Variants in PPP1R12B observed in about 807,000 individuals in gnomAD.
PPP1R12B encodes the protein protein phosphatase 1 regulatory subunit 12B.
In PPP1R12B, 76 loss-of-function variants were observed where a neutral mutation model predicts 126.1. The observed-to-expected ratio is 0.60, with a 90% confidence interval of 0.50 to 0.73. PPP1R12B has a LOEUF of 0.73. Among genes scored for constraint, PPP1R12B ranks in the 30% least tolerant of loss-of-function variants. The pLI, the probability that PPP1R12B is intolerant of heterozygous loss-of-function variation, is 0.00. For synonymous variants in PPP1R12B, 356 were observed against 434.7 expected (o/e 0.82, Z 2.25); for missense variants, 1,052 against 1,205.1 (o/e 0.87, Z 1.88).
intron 23 of PPP1R12B, among the ~76,000 whole-genome samples, chr1:202,574,723 G>A (rs1350261867): frequency 6.6e-6 from 1 of 152,140 alleles, no homozygotes; most frequent in Admixed American, 6.5e-5. Context: ...CAATCCATAT[G>A]TGCCTTTTGA....
At chr1:202,482,840 C>G (rs1188749329) in intron 13 of PPP1R12B, among the ~76,000 whole-genome samples, 1 of 152,188 alleles carries the variant, frequency 6.6e-6, no homozygotes, top group Non-Finnish European at 1.5e-5. Flanking sequence ...TGAAGCATTT[C>G]TCCTATGTTA....
chr1:202,360,914 G>A (rs1375994325), intron 1 of PPP1R12B, among the ~76,000 whole-genome samples: 5 of 146,936 alleles, frequency 3.4e-5, no homozygotes, highest in East Asian at 4.0e-4. Context: ...TTTTTGAGAC[G>A]GAGTCTTGCT....
chr1:202,394,994 G>A (rs1156617489), intron 1 of PPP1R12B, among the ~76,000 whole-genome samples: 1 of 151,076 alleles, frequency 6.6e-6, no homozygotes, highest in Non-Finnish European at 1.5e-5. Flanking sequence ...AGTGGGCGCT[G>A]TAATCCCAGC....
intron 1 of PPP1R12B, among the ~76,000 whole-genome samples, chr1:202,414,975 G>T (rs1042262943): frequency 1.3e-5 from 2 of 152,008 alleles, no homozygotes; most frequent in African/African-American, 2.4e-5. Flanking sequence ...CAGAGATGGG[G>T]TCTGTGTTGC....
intron 13 of PPP1R12B, among the ~76,000 whole-genome samples, chr1:202,457,662 T>C (rs965961812): frequency 3.9e-5 from 6 of 152,102 alleles, no homozygotes; most frequent in African/African-American, 1.4e-4. Flanking sequence ...TGTTAAGTGC[T>C]GTGGTAAAGA....
chr1:202,463,317 T>G (rs768971159), intron 13 of PPP1R12B, among the ~76,000 whole-genome samples: 1 of 152,120 alleles, frequency 6.6e-6, no homozygotes, highest in African/African-American at 2.4e-5. Flanking sequence ...CCCAAAAGAT[T>G]AGGGTAGCAG....
At chr1:202,393,848 G>T (rs1172744123) in intron 1 of PPP1R12B, among the ~76,000 whole-genome samples, 1 of 151,882 alleles carries the variant, frequency 6.6e-6, no homozygotes, top group Non-Finnish European at 1.5e-5. Context: ...ATTGCTTAAG[G>T]CCAGGAGTTT....
chr1:202,356,967 G>A (rs775028123), intron 1 of PPP1R12B, among the ~76,000 whole-genome samples: 3 of 151,832 alleles, frequency 2.0e-5, no homozygotes, highest in Non-Finnish European at 4.4e-5. Context: ...GATTACAGGC[G>A]CCCACCACCA....
chr1:202,442,900 C>G (rs1413876799), intron 12 of PPP1R12B, among the ~76,000 whole-genome samples: 1 of 149,000 alleles, frequency 6.7e-6, no homozygotes, highest in Non-Finnish European at 1.5e-5. Context: ...GCTGGTTCTC[C>G]TTATCTGAAA....
chr1:202,468,682 G>A (rs146273282), intron 13 of PPP1R12B, among the ~76,000 whole-genome samples: 10 of 152,276 alleles, frequency 6.6e-5, no homozygotes, highest in African/African-American at 2.4e-4. Context: ...GGCTGGGCAC[G>A]GTGGCTCATG....
rs923766994 is a variant in PPP1R12B, at chr1:202,585,036, G to T, written c.*4476G>T. On this transcript the variant is annotated 3_prime_UTR_variant, in exon 24 of 24. Transcript: ENST00000608999. The stretch of plus-strand genomic sequence containing the variant: ...CAAATCTTAGTCACCATACTCTCTC[G>T]CCCAGGCTGGAGTGCAGTGGTGTGA... 6.6e-6 allele frequency: 1 copy of T among 152,192 alleles called. No individual in the cohort carries two copies. 9.4% of individuals were successfully genotyped at this position (152,192 alleles called of 1,614,324 possible).
At chr1:202,353,583 TCTTTGTGTGTG>T (rs1487449421) in intron 1 of PPP1R12B, among the ~76,000 whole-genome samples, 2 of 126,790 alleles carry the variant, frequency 1.6e-5, no homozygotes, top group Non-Finnish European at 1.6e-5. Flanking sequence ...CTATTCTTCT[TCTTTGTGTGTG>T]TGTGTGTGTG....
In PPP1R12B at chr1:202,588,320, T is replaced by C. The variant is rs911916388; in HGVS notation, c.*7760T>C. 1.3e-5 allele frequency: 2 copies of C among 152,556 alleles called. No homozygotes were observed. Among genetic ancestry groups the C allele is most frequent in the Non-Finnish European group, 2.9e-5 (2 of 68,008 alleles). The allele number at this position is 152,556 out of a possible 1,614,324, so 9.5% of individuals were successfully genotyped here. A position where few individuals can be genotyped will look rare whatever the true frequency, so the allele number is the denominator to read the frequency against. On this transcript the variant is annotated 3_prime_UTR_variant, in exon 24 of 24. Coordinates refer to ENST00000608999, the MANE Select transcript of PPP1R12B (RefSeq NM_002481.4). The stretch of plus-strand genomic sequence containing the variant: ...AACTTCAGTCCACTGTAAATACACC[T>C]GGGATGGGGTGGGGTTGGGGTTGTT...
At chr1:202,538,174 T>C (rs1684744844) in intron 18 of PPP1R12B, among the ~76,000 whole-genome samples, 1 of 152,300 alleles carries the variant, frequency 6.6e-6, no homozygotes, top group Non-Finnish European at 1.5e-5. Context: ...TTTGTATTTT[T>C]AGTAGAGACA....
intron 18 of PPP1R12B, among the ~76,000 whole-genome samples, chr1:202,513,617 A>G (rs1176745779): frequency 1.3e-5 from 2 of 152,148 alleles, no homozygotes; most frequent in African/African-American, 4.8e-5. Flanking sequence ...TGAAAAATAC[A>G]TTTCCCAAGG....
Position 202,493,242 on chromosome 1 carries a change from G to C in PPP1R12B, c.2070G>C (p.Lys690Asn). 2 of 1,613,042 alleles carry C rather than the reference G, an allele frequency of 1.2e-6. No individual in the cohort carries two copies. Among genetic ancestry groups the C allele is most frequent in the Non-Finnish European group, 1.7e-6 (2 of 1,179,876 alleles). The change falls in exon 15 of 24, where the codon AAG becomes AAC. Residue 690 changes from lysine to asparagine, a missense_variant. Transcript: ENST00000608999. Reference sequence around the variant, plus strand: ...AAGGGCTTGAGGGGAGCCCTGAGAAGCATGAGCCCTCAGCAGTTCCAGCAA... The same window carrying C: ...AAGGGCTTGAGGGGAGCCCTGAGAACCATGAGCCCTCAGCAGTTCCAGCAA... ...DTEGLEGSPE[K>N]HEPSAVPATE...
intron 18 of PPP1R12B, among the ~76,000 whole-genome samples, chr1:202,542,016 A>G (rs1306116050): frequency 1.3e-5 from 2 of 152,230 alleles, no homozygotes; most frequent in Non-Finnish European, 2.9e-5. Context: ...GCTTGAGACT[A>G]TAATAAAGAG....
chr1:202,481,575 T>A (rs537422122), intron 13 of PPP1R12B, among the ~76,000 whole-genome samples: 7 of 152,302 alleles, frequency 4.6e-5, no homozygotes, highest in Non-Finnish European at 8.8e-5. Flanking sequence ...GTATTAGGGC[T>A]ATTATTTTCT....
At chr1:202,452,173 C>T (rs1207250646) in intron 13 of PPP1R12B, among the ~76,000 whole-genome samples, 2 of 152,126 alleles carry the variant, frequency 1.3e-5, no homozygotes, top group Admixed American at 6.5e-5. Context: ...GCTGCAATCT[C>T]GGCACTTTGG....
Sources: gnomAD v4.1 joint callset for allele counts (sites outside exome capture counted in the v4.1 genomes callset) on GRCh38, gnomAD v4.1.1 for gene constraint, MANE v1.5 for transcripts, NCBI Gene and HGNC (gene_info 2026-07-23, HGNC 2026-07-21) for gene names.